Variants in BICD1 observed in about 807,000 individuals in gnomAD.
BICD1 encodes the protein protein bicaudal D homolog 1.
BICD1 carries 35 observed loss-of-function variants against 92.5 expected under a neutral mutation model. That is an observed-to-expected ratio of 0.38 (90% CI 0.29 to 0.50). The LOEUF is 0.50. BICD1 is among the 20% of genes least tolerant of loss of function. The pLI is 0.93. For missense variants in BICD1, 950 were observed against 1,189.8 expected (o/e 0.80, Z 2.97); for synonymous variants, 429 against 465.1 (o/e 0.92, Z 1.00).
chr12:32,267,944 C>G (rs1181285195), intron 2 of BICD1, among the ~76,000 whole-genome samples: 1 of 151,972 alleles, frequency 6.6e-6, no homozygotes, highest in Non-Finnish European at 1.5e-5. Flanking sequence ...GGACTACAGG[C>G]ATGGGCCATC....
At chr12:32,107,867 A>G in intron 1 of BICD1, 1 of 619,798 alleles carries the variant, frequency 1.6e-6, no homozygotes, top group Non-Finnish European at 2.9e-6. Flanking sequence ...AAACTTCTCA[A>G]AACCGCTGTT....
intron 1 of BICD1, among the ~76,000 whole-genome samples, chr12:32,114,373 C>T (rs1260709): frequency 1.3e-5 from 2 of 151,790 alleles, no homozygotes; most frequent in Non-Finnish European, 2.9e-5. Context: ...GGATTCAGAT[C>T]CTCAACTTTC....
chr12:32,178,313 A>G (rs1225815657), intron 1 of BICD1, among the ~76,000 whole-genome samples: 2 of 151,946 alleles, frequency 1.3e-5, no homozygotes, highest in Non-Finnish European at 2.9e-5. Context: ...AAAGAGATGC[A>G]GGTATGAGTG....
At chr12:32,361,552 CAAAAAA>C (rs369280649) in intron 8 of BICD1, among the ~76,000 whole-genome samples, 2 of 75,440 alleles carry the variant, frequency 2.7e-5, no homozygotes, top group Non-Finnish European at 6.0e-5. Context: ...GACTCCATCT[CAAAAAA>C]AAAAAAAAAA....
chr12:32,129,024 C>T (rs1942443836), intron 1 of BICD1, among the ~76,000 whole-genome samples: 1 of 152,042 alleles, frequency 6.6e-6, no homozygotes, highest in Non-Finnish European at 1.5e-5. Context: ...TCACTGCAAC[C>T]TCTGCCTCCC....
intron 8 of BICD1, among the ~76,000 whole-genome samples, chr12:32,341,500 G>A (rs1236096934): frequency 2.0e-5 from 3 of 151,668 alleles, no homozygotes; most frequent in Non-Finnish European, 4.4e-5. Flanking sequence ...AAGGAATGTG[G>A]AATTCAGAAT....
At chr12:32,211,376 T>C (rs1412326904) in intron 1 of BICD1, among the ~76,000 whole-genome samples, 1 of 152,220 alleles carries the variant, frequency 6.6e-6, no homozygotes. Flanking sequence ...AATGGAGGAT[T>C]TATCAACATT....
chr12:32,242,379 T>G (rs1420371355), intron 2 of BICD1, among the ~76,000 whole-genome samples: 1 of 151,714 alleles, frequency 6.6e-6, no homozygotes, highest in East Asian at 1.9e-4. Context: ...CAAAACAAAT[T>G]AGCTGGGCAT....
At chr12:32,249,162 A>T (rs1178065570) in intron 2 of BICD1, among the ~76,000 whole-genome samples, 4 of 152,184 alleles carry the variant, frequency 2.6e-5, no homozygotes, top group Admixed American at 2.6e-4. Flanking sequence ...CTTTAGGGAA[A>T]GGAACTTCAG....
intron 2 of BICD1, among the ~76,000 whole-genome samples, chr12:32,278,928 T>C (rs555115338): frequency 3.3e-5 from 5 of 152,170 alleles, no homozygotes; most frequent in African/African-American, 1.2e-4. Context: ...TAAATGATCA[T>C]GCTACTTTGT....
rs564236474 is a variant in BICD1 at position 32,192,963 on chromosome 12, G to A, written c.214-23284G>A. ...TGGATGAACATCCTTCTTAAAGATG[G>A]AATCTACTCCTGGTGAAGATGCTGT... On this transcript the variant is annotated intron_variant, in intron 1 of 9. Transcript: ENST00000652176. 2.6e-5 allele frequency among the ~76,000 whole-genome samples: 4 copies of A among 152,324 alleles called. No homozygotes were observed. In the South Asian group the frequency reaches 8.3e-4, roughly 32 times the overall value.
intron 1 of BICD1, among the ~76,000 whole-genome samples, chr12:32,203,012 G>A (rs1229612553): frequency 6.6e-6 from 1 of 152,084 alleles, no homozygotes; most frequent in African/African-American, 2.4e-5. Flanking sequence ...ACCATTAGTG[G>A]GACATTATAG....
rs1309258235 is a variant in BICD1 at position 32,383,611 on chromosome 12, CT to C, written c.*5985del. The stretch of plus-strand genomic sequence containing the variant: ...TGCATAACTTTTTCCAGTAAATAAA[CT>C]GGTTATTTTTTGTTCATTTCATTAA... On this transcript the variant is annotated 3_prime_UTR_variant, in exon 10 of 10. Coordinates refer to ENST00000652176, the MANE Select transcript of BICD1 (RefSeq NM_001714.4). 2 of 152,088 alleles carry C rather than the reference CT, an allele frequency of 1.3e-5. No individual in the cohort carries two copies. The highest frequency in any genetic ancestry group is 4.8e-5 in the African/African-American group (2 of 41,420). 9.4% of individuals were successfully genotyped at this position (152,088 alleles called of 1,614,324 possible). A position where few individuals can be genotyped will look rare whatever the true frequency, so the allele number is the denominator to read the frequency against.
intron 8 of BICD1, among the ~76,000 whole-genome samples, chr12:32,355,233 T>C (rs1180789355): frequency 6.6e-6 from 1 of 152,252 alleles, no homozygotes; most frequent in East Asian, 1.9e-4. Context: ...TTATTCCTTT[T>C]GTTAGAAAGA....
chr12:32,339,814 A>G, intron 8 of BICD1: 8 of 983,772 alleles, frequency 8.1e-6, no homozygotes, highest in Non-Finnish European at 8.5e-6. Flanking sequence ...AAAACTATTT[A>G]AGTTAGTTAT....
intron 4 of BICD1, among the ~76,000 whole-genome samples, chr12:32,307,812 C>A (rs1948270042): frequency 1.3e-5 from 2 of 152,216 alleles, no homozygotes. Flanking sequence ...AAAAGTTTTA[C>A]ATGACAGATG....
intron 2 of BICD1, among the ~76,000 whole-genome samples, chr12:32,243,679 G>T (rs1946297601): frequency 6.6e-6 from 1 of 152,192 alleles, no homozygotes; most frequent in East Asian, 1.9e-4. Context: ...CACCCTGAAG[G>T]TTTAGTGTTC....
chr12:32,327,322 C>A, intron 4 of BICD1, 139 bp from the exon 5 acceptor site: 1 of 1,073,432 alleles, frequency 9.3e-7, no homozygotes, highest in Non-Finnish European at 1.3e-6. Context: ...ATAAAAAACA[C>A]TCCAATTTAA....
In BICD1 at chr12:32,152,256, CT is replaced by C. The variant is rs34386503; in HGVS notation, c.213+44726del. 2.9e-3 allele frequency among the ~76,000 whole-genome samples: 422 copies of C among 146,048 alleles called. 2 individuals carry two copies. The highest frequency in any genetic ancestry group is 8.4e-3 in the African/African-American group (332 of 39,574). ...ACAGGCAGAGACTAGTTTTTTTTAA[CT>C]TTTTTTTTTTTTTAACAGTCTTGCT... On this transcript the variant is annotated intron_variant, in intron 1 of 9. Coordinates refer to ENST00000652176, the MANE Select transcript of BICD1 (RefSeq NM_001714.4).
Sources: gnomAD v4.1 joint callset for allele counts (sites outside exome capture counted in the v4.1 genomes callset) on GRCh38, gnomAD v4.1.1 for gene constraint, MANE v1.5 for transcripts, NCBI Gene and HGNC (gene_info 2026-07-23, HGNC 2026-07-21) for gene names.